Variants in BTNL2 observed in about 807,000 individuals in gnomAD.
BTNL2 encodes butyrophilin-like protein 2.
A neutral mutation model predicts 46.8 loss-of-function variants in BTNL2; 46 were observed. That is an observed-to-expected ratio of 0.98 (90% CI 0.78 to 1.26). The LOEUF (loss-of-function observed/expected upper bound fraction) is 1.26, where lower values mean the gene tolerates loss of function less well. BTNL2 is among the 50% of genes most tolerant of loss of function. The pLI, the probability that BTNL2 is intolerant of heterozygous loss-of-function variation, is 0.00. For missense variants in BTNL2, 461 were observed against 592.6 expected (o/e 0.78, Z 2.31); for synonymous variants, 226 against 229.1 (o/e 0.99, Z 0.12).
intron 4 of BTNL2, among the ~76,000 whole-genome samples, chr6:32,400,760 A>AAAAAAAC (rs1390075841): frequency 8.6e-6 from 1 of 115,838 alleles, no homozygotes. Flanking sequence ...AAAAAAAAAA[A>AAAAAAAC]AAATTAGCTG....
intron 4 of BTNL2, among the ~76,000 whole-genome samples, chr6:32,397,555 T>A (rs921399977): frequency 6.6e-6 from 1 of 152,254 alleles, no homozygotes. Context: ...CTTCTAACAC[T>A]TCAATTCTGT....
rs749915466 is a variant in BTNL2 at position 32,396,232 on chromosome 6, C to T, written c.885G>A (p.Met295Ile). 59 of 1,612,980 alleles carry T rather than the reference C, an allele frequency of 3.7e-5. No individual in the cohort carries two copies. In the South Asian group the frequency reaches 5.9e-4, roughly 16 times the overall value. ...SHRYPAVHVY[M>I]DGDHVAGEQM... ...GCTCTCCAGCCACATGGTCCCCATC[C>T]ATATACACATGCACAGCAGGGTAAC... The change falls in exon 5 of 8, where the codon ATG becomes ATA. Residue 295 changes from methionine (M) to isoleucine (I), a missense_variant. Coordinates refer to ENST00000454136, the MANE Select transcript of BTNL2 (RefSeq NM_001304561.2). This position sits in a 1 kb window ranked among gnomAD's most constrained non-coding sequence, Gnocchi z 4.4.
Position 32,407,179 on chromosome 6 carries a change from C to A in BTNL2, c.-56G>T. The A allele has an allele frequency of 7.0e-7, 1 of 1,427,662 alleles. No homozygotes were observed. Among genetic ancestry groups the A allele is most frequent in the Non-Finnish European group, 9.9e-7 (1 of 1,012,346 alleles). The allele number at this position is 1,427,662 out of a possible 1,614,324, so 88.4% of individuals were successfully genotyped here. A position where few individuals can be genotyped will look rare whatever the true frequency, so the allele number is the denominator to read the frequency against. ...TGCCTAAGTGAGGCTGTGACACACC[C>A]GGCACACTCCATGGCTTCCATTGGT... On this transcript the variant is annotated 5_prime_UTR_variant, in exon 1 of 8. Transcript: ENST00000454136.
In BTNL2 at chr6:32,394,801, A is replaced by G; in HGVS notation, c.1303T>C (p.Cys435Arg). Residue 435 changes from cysteine to arginine, a missense_variant, in exon 6 of 8, where the codon TGT becomes CGT. Cys to Arg is a radical substitution (Grantham distance 180). Coordinates refer to ENST00000454136, the MANE Select transcript of BTNL2 (RefSeq NM_001304561.2). The surrounding 1 kb of genome is among the most constrained non-coding windows in gnomAD (Gnocchi z 4.6). ...VTNISAVDVT[C>R]SISIPFLGEE... Reference sequence around the variant, plus strand: ...CCCAAAAAGGGGATGCTGATGGAACAAGTGACGTCCACAGCGGAGATGTTT... The same window carrying G: ...CCCAAAAAGGGGATGCTGATGGAACGAGTGACGTCCACAGCGGAGATGTTT... 1 of 1,614,184 alleles carries G rather than the reference A, an allele frequency of 6.2e-7. No homozygotes were observed. The highest frequency in any genetic ancestry group is 8.5e-7 in the Non-Finnish European group (1 of 1,180,004).
intron 4 of BTNL2, among the ~76,000 whole-genome samples, chr6:32,398,320 G>A (rs116307898): frequency 0.018 from 2,671 of 152,298 alleles, 79 homozygotes; most frequent in East Asian, 0.11. Context: ...GTCATTGGCC[G>A]AAAACTGCCA....
intron 4 of BTNL2, among the ~76,000 whole-genome samples, chr6:32,397,581 T>C (rs534199176): frequency 9.2e-5 from 14 of 152,372 alleles, no homozygotes; most frequent in African/African-American, 3.1e-4. Context: ...TTTAAACTAC[T>C]TCTTAATCTG....
At chr6:32,403,734 G>A (rs1021314029) in intron 2 of BTNL2, 7 of 155,604 alleles carry the variant, frequency 4.5e-5, no homozygotes, top group African/African-American at 1.7e-4. Context: ...ATAAACGGGA[G>A]CATGTGAAAT....
In BTNL2 at chr6:32,396,552, G is replaced by A; in HGVS notation, c.731-166C>T. The A allele has an allele frequency of 3.0e-6, 2 of 671,094 alleles. No homozygotes were observed. The highest frequency in any genetic ancestry group is 5.2e-6 in the Non-Finnish European group (2 of 384,154). The allele number at this position is 671,094 out of a possible 1,614,324, so 41.6% of individuals were successfully genotyped here. Reference sequence around the variant, plus strand: ...GTGGGGGTTTCATGGACTCAGAATAGAGGTTGCTCTTCTTTAAGGAGGAAT... The same window carrying A: ...GTGGGGGTTTCATGGACTCAGAATAAAGGTTGCTCTTCTTTAAGGAGGAAT... On this transcript the variant is annotated intron_variant, in intron 4 of 7. Transcript: ENST00000454136. The surrounding 1 kb of genome is among the most constrained non-coding windows in gnomAD (Gnocchi z 4.4).
chr6:32,400,912 C>CAAAAAAA lies in BTNL2; in HGVS notation c.730+866_730+872dup, dbSNP rs760395296. Among the ~76,000 whole-genome samples the CAAAAAAA allele has an allele frequency of 4.1e-4, 38 of 93,804 alleles. 2 individuals carry two copies. The highest frequency in any genetic ancestry group is 5.8e-4 in the Non-Finnish European group (28 of 48,512). 61.5% of individuals were successfully genotyped at this position (93,804 alleles called of 152,430 possible). ...TGGGCAACAGAGCGAGACTCCGTCT[C>CAAAAAAA]AAAAAAAAAAAAAATGCCCGGCGTG... is the stretch of plus-strand genomic sequence containing the variant. On this transcript the variant is annotated intron_variant, in intron 4 of 7. Coordinates refer to ENST00000454136, the MANE Select transcript of BTNL2 (RefSeq NM_001304561.2).
At chr6:32,398,392 C>T (rs1776570561) in intron 4 of BTNL2, among the ~76,000 whole-genome samples, 1 of 152,220 alleles carries the variant, frequency 6.6e-6, no homozygotes, top group Non-Finnish European at 1.5e-5. Context: ...TTATTACCTT[C>T]CATTCCAGGT....
intron 1 of BTNL2, chr6:32,406,408 G>GGCGCCGAGGTAGACACACCAGCTCTGCA (rs1562261902): frequency 6.6e-6 from 1 of 152,056 alleles, no homozygotes; most frequent in African/African-American, 2.4e-5. Context: ...CCAGCTCTGC[G>GGCGCCGAGGTAGACACACCAGCTCTGCA]GTGCCGAGGC....
At chr6:32,395,786 C>T (rs1776410156) in intron 5 of BTNL2, among the ~76,000 whole-genome samples, 1 of 152,082 alleles carries the variant, frequency 6.6e-6, no homozygotes, top group South Asian at 2.1e-4. Context: ...CTCAGATTTC[C>T]TTAAAGATAT....
chr6:32,405,821 T>TTTTTG (rs1554226016), intron 1 of BTNL2, among the ~76,000 whole-genome samples: 1 of 146,164 alleles, frequency 6.8e-6, no homozygotes, highest in Non-Finnish European at 1.5e-5. Flanking sequence ...TTTTTTTGTT[T>TTTTTG]TTTTTTTGTT....
At position 32,394,901 on chromosome 6, in the gene BTNL2, C is replaced by G. The variant is rs759428218; in HGVS notation, c.1203G>C (p.Thr401=). 1.2e-6 allele frequency: 2 copies of G among 1,614,208 alleles called. No individual in the cohort carries two copies. The highest frequency in any genetic ancestry group is 2.7e-5 in the African/African-American group (2 of 75,050). ...HVPWRDMEGK[T]IPSSSQALTQ... ...TCAGGGCCTGGGAAGATGATGGTATCGTCTTTCCTTCCATGTCCCTCCATG... is the reference window on the plus strand; with the variant it reads ...TCAGGGCCTGGGAAGATGATGGTATGGTCTTTCCTTCCATGTCCCTCCATG... The change falls in exon 6 of 8, where the codon ACG becomes ACC. Residue 401 remains threonine, a synonymous_variant. Coordinates refer to ENST00000454136, the MANE Select transcript of BTNL2 (RefSeq NM_001304561.2). This position sits in a 1 kb window ranked among gnomAD's most constrained non-coding sequence, Gnocchi z 4.6.
chr6:32,405,235 TC>T lies in BTNL2; in HGVS notation c.130del (p.Glu44LysfsTer5), dbSNP rs1168863716. 1 of 1,612,862 alleles carries T rather than the reference TC, an allele frequency of 6.2e-7. No individual in the cohort carries two copies. The highest frequency in any genetic ancestry group is 1.3e-5 in the African/African-American group (1 of 74,870). ...PAHPILAGVGEDALLTCQLLP... is the reference protein window; with the variant it reads ...PAHPILAGVGXDALLTCQLLP... ...TAGCTGGCAGGTTAACAGGGCATCT[TC>T]CCCAACCCCGGCCAGGATAGGATGA... On this transcript the variant is annotated frameshift_variant, in exon 2 of 8. Transcript: ENST00000454136. LOFTEE classifies it high-confidence loss of function.
At position 32,393,792 on chromosome 6, in the gene BTNL2, G is replaced by A. The variant is rs1776265765; in HGVS notation, c.*6+171C>T. 7.1e-6 allele frequency: 6 copies of A among 849,348 alleles called. No individual in the cohort carries two copies. Among genetic ancestry groups the A allele is most frequent in the Middle Eastern group, 3.6e-4 (1 of 2,798 alleles). The allele number at this position is 849,348 out of a possible 1,614,324, so 52.6% of individuals were successfully genotyped here. On this transcript the variant is annotated intron_variant, in intron 7 of 7. Coordinates refer to ENST00000454136, the MANE Select transcript of BTNL2 (RefSeq NM_001304561.2). The surrounding 1 kb of genome is among the most constrained non-coding windows in gnomAD (Gnocchi z 4.8). ...GGAAACACTGACCTCATGCATCACT[G>A]AGCCTGGATTGCATGATAAGCCCTG...
rs1191460785 is a variant in BTNL2 at position 32,394,047 on chromosome 6, C to T, written c.1371G>A (p.Met457Ile). Residue 457 changes from methionine (M) to isoleucine (I), a missense_variant, in exon 7 of 8, where the codon ATG (methionine) becomes ATA (isoleucine). Coordinates refer to ENST00000454136, the MANE Select transcript of BTNL2 (RefSeq NM_001304561.2). The surrounding 1 kb of genome is among the most constrained non-coding windows in gnomAD (Gnocchi z 4.6). ...CAAGCAGTGTTTTCCACAAAAACGT[C>T]ATCCTGGACTCTAAAATGGAAACCC... ...IATFSLSESR[M>I]TFLWKTLLVW... 6.5e-7 allele frequency: 1 copy of T among 1,550,114 alleles called. No homozygotes were observed. Among genetic ancestry groups the T allele is most frequent in the South Asian group, 1.2e-5 (1 of 84,042 alleles).
In BTNL2 at chr6:32,396,872, C is replaced by T. The variant is rs62402757; in HGVS notation, c.731-486G>A. Among the ~76,000 whole-genome samples, 1,730 of 151,934 alleles carry T rather than the reference C, an allele frequency of 0.011. 54 individuals carry two copies. Among genetic ancestry groups the T allele is most frequent in the East Asian group, 0.1 (504 of 5,052 alleles). On this transcript the variant is annotated intron_variant, in intron 4 of 7. Transcript: ENST00000454136. The surrounding 1 kb of genome is among the most constrained non-coding windows in gnomAD (Gnocchi z 4.4). ...GTGGGTGCCTGTAATCCCAGCTACT[C>T]AGGAGGCTGAGGTGGAAAAATTGCT...
In BTNL2 at chr6:32,398,367, A is replaced by C. The variant is rs570785760; in HGVS notation, c.731-1981T>G. 1.9e-3 allele frequency among the ~76,000 whole-genome samples: 282 copies of C among 152,298 alleles called. 2 individuals carry two copies. The highest frequency in any genetic ancestry group is 8.7e-3 in the South Asian group (42 of 4,820). On this transcript the variant is annotated intron_variant, in intron 4 of 7. Transcript: ENST00000454136. ...AGAGAGGAAAGTCCCTGTCAACACAATTTGAATTTTCAGATTATTACCTTC... is the reference window on the plus strand; with the variant it reads ...AGAGAGGAAAGTCCCTGTCAACACACTTTGAATTTTCAGATTATTACCTTC...
Sources: gnomAD v4.1 joint callset for allele counts (sites outside exome capture counted in the v4.1 genomes callset) on GRCh38, gnomAD v4.1.1 for gene constraint, Gnocchi (gnomAD v3.1) non-coding constraint, MANE v1.5 for transcripts, NCBI Gene and HGNC (gene_info 2026-07-23, HGNC 2026-07-21) for gene names.